The following FBN1 variants were observed in gnomAD, a reference collection of about 807,000 sequenced individuals.
FBN1 encodes the protein fibrillin-1.
Under a neutral mutation model 365.1 loss-of-function variants are expected in FBN1, and 29 were observed. That is an observed-to-expected ratio of 0.08 (90% confidence interval 0.06 to 0.11). The LOEUF is 0.11. Ranked by LOEUF, FBN1 falls within the 10% of genes least tolerant of loss-of-function variation. FBN1 has a pLI of 1.00. For synonymous variants in FBN1, 1,210 were observed against 1,270.5 expected (o/e 0.95, Z 1.01); for missense variants, 2,476 against 3,703.2 (o/e 0.67, Z 8.60).
intron 17 of FBN1, 105 bp downstream of exon 17, chr15:48,503,682 A>G: frequency 6.7e-7 from 1 of 1,488,074 alleles, no homozygotes; most frequent in East Asian, 2.3e-5. Flanking sequence ...CACATGGCGT[A>G]CCTGGAGAGC....
chr15:48,450,453 T>G (rs1238766538), intron 45 of FBN1, among the ~76,000 whole-genome samples: 1 of 152,160 alleles, frequency 6.6e-6, no homozygotes, highest in Non-Finnish European at 1.5e-5. Context: ...AAATCTAGGT[T>G]TCCACAAGCA....
Position 48,512,650 on chromosome 15 carries a change from T to C in FBN1, c.1588+899A>G, listed in dbSNP as rs985642645. On this transcript the variant is annotated intron_variant, in intron 13 of 65. Coordinates refer to ENST00000316623, the MANE Select transcript of FBN1 (RefSeq NM_000138.5). ...TCCATCCATGTCCCTGCAACGGACATGATCTCATTCTTTTTTATGGCTGCA... is the reference window on the plus strand; with the variant it reads ...TCCATCCATGTCCCTGCAACGGACACGATCTCATTCTTTTTTATGGCTGCA... 2.0e-5 allele frequency among the ~76,000 whole-genome samples: 3 copies of C among 152,346 alleles called. No homozygotes were observed. In the South Asian group the frequency reaches 6.2e-4, roughly 32 times the overall value.
chr15:48,538,611 G>T (rs1384187446), intron 6 of FBN1, among the ~76,000 whole-genome samples: 2 of 151,262 alleles, frequency 1.3e-5, no homozygotes, highest in East Asian at 3.9e-4. Flanking sequence ...CAGAGAGAGA[G>T]CCAACAACAA....
chr15:48,625,681 G>A (rs759166856), intron 2 of FBN1, among the ~76,000 whole-genome samples: 2 of 152,218 alleles, frequency 1.3e-5, no homozygotes, highest in Non-Finnish European at 2.9e-5. Context: ...TCCTGGACTG[G>A]CTCACAGATA....
intron 2 of FBN1, among the ~76,000 whole-genome samples, chr15:48,640,744 C>T (rs1281802587): frequency 1.3e-5 from 2 of 152,216 alleles, no homozygotes; most frequent in Non-Finnish European, 2.9e-5. Context: ...AGTCTCAATC[C>T]ATCTTCTCCA....
In FBN1 at chr15:48,600,205, C is replaced by G; in HGVS notation, c.376G>C (p.Gly126Arg). Reference protein sequence around the residue: ...IQHCNIRCMNGGSCSDDHCLC... With the variant: ...IQHCNIRCMNRGSCSDDHCLC... ...CAGTGATCGTCACTGCAGCTACCTC[C>G]ATTCATACAGCGAATATTGCAGTGT... Residue 126 changes from glycine (G) to arginine (R), a missense_variant, in exon 5 of 66, where the codon GGA becomes CGA. This residue lies in a region of FBN1 where 421 missense variants were observed against 520.1 expected (regional missense o/e 0.81). Transcript: ENST00000316623. 1 of 1,613,738 alleles carries G rather than the reference C, an allele frequency of 6.2e-7. No individual in the cohort carries two copies. The highest frequency in any genetic ancestry group is 8.5e-7 in the Non-Finnish European group (1 of 1,179,862).
At chr15:48,460,198 C>A in intron 43 of FBN1, 48 bp downstream of exon 43, 2 of 1,430,994 alleles carry the variant, frequency 1.4e-6, no homozygotes, top group Non-Finnish European at 2.0e-6. Flanking sequence ...ATAATGCTAA[C>A]ACAAAGGCAA....
chr15:48,420,252 T>A (rs2042929924), intron 63 of FBN1, among the ~76,000 whole-genome samples: 1 of 152,220 alleles, frequency 6.6e-6, no homozygotes, highest in South Asian at 2.1e-4. Flanking sequence ...TGTTTCCTGC[T>A]TGCGCTCTGT....
At chr15:48,637,816 C>T (rs1414083864) in intron 2 of FBN1, among the ~76,000 whole-genome samples, 1 of 152,128 alleles carries the variant, frequency 6.6e-6, no homozygotes, top group Non-Finnish European at 1.5e-5. Flanking sequence ...CACTTTTTAT[C>T]ACGTAGATCA....
intron 2 of FBN1, among the ~76,000 whole-genome samples, chr15:48,630,663 C>T (rs1157303649): frequency 7.2e-6 from 1 of 139,390 alleles, no homozygotes; most frequent in Non-Finnish European, 1.5e-5. Context: ...AGAAAATACC[C>T]GGTATTTGCA....
chr15:48,537,581 C>G, intron 7 of FBN1, 30 bp downstream of exon 7: 1 of 1,612,572 alleles, frequency 6.2e-7, no homozygotes, highest in Non-Finnish European at 8.5e-7. Context: ...TAAGATTAAT[C>G]CATTAATAAT....
chr15:48,575,073 T>G (rs898503808), intron 6 of FBN1, among the ~76,000 whole-genome samples: 1 of 152,136 alleles, frequency 6.6e-6, no homozygotes, highest in Non-Finnish European at 1.5e-5. Flanking sequence ...AGACGGGAAA[T>G]AGTTCACGTG....
At chr15:48,445,628 A>C in intron 47 of FBN1, 124 bp from the exon 48 acceptor site, 1 of 1,028,480 alleles carries the variant, frequency 9.7e-7, no homozygotes, top group South Asian at 1.4e-5. Context: ...TGGCTTAGCC[A>C]AACAAGAAAT....
At chr15:48,619,890 A>C (rs1768670001) in intron 2 of FBN1, among the ~76,000 whole-genome samples, 2 of 151,482 alleles carry the variant, frequency 1.3e-5, no homozygotes, top group Admixed American at 1.3e-4. Context: ...AAAAAAAAAC[A>C]GGAGAAGAAC....
intron 34 of FBN1, among the ~76,000 whole-genome samples, chr15:48,473,538 A>T (rs1861949076): frequency 6.6e-6 from 1 of 152,234 alleles, no homozygotes; most frequent in Admixed American, 6.5e-5. Flanking sequence ...TGTTAATTCT[A>T]TGGCTATTAA....
At chr15:48,427,387 AG>A (rs747602982) in intron 58 of FBN1, among the ~76,000 whole-genome samples, 179 bp downstream of exon 58, 1 of 152,244 alleles carries the variant, frequency 6.6e-6, no homozygotes, top group Non-Finnish European at 1.5e-5. Flanking sequence ...AAGTGGACCA[AG>A]GCCACTTTGG....
At position 48,410,659 on chromosome 15, in the gene FBN1, A is replaced by G. The variant is rs2042852852; in HGVS notation, c.*331T>C. On this transcript the variant is annotated 3_prime_UTR_variant, in exon 66 of 66. Transcript: ENST00000316623. ...TTGCAAAAAATAGAGTAGTCCATCA[A>G]TTGAAAGCACATTCCCGTACGTTTG... The G allele has an allele frequency of 1.4e-5, 4 of 291,918 alleles. No homozygotes were observed. The highest frequency in any genetic ancestry group is 5.1e-5 in the South Asian group (1 of 19,724). The allele number at this position is 291,918 out of a possible 1,614,324, so 18.1% of individuals were successfully genotyped here. A position where few individuals can be genotyped will look rare whatever the true frequency, so the allele number is the denominator to read the frequency against.
chr15:48,416,307 G>C (rs1370898482), intron 63 of FBN1, among the ~76,000 whole-genome samples: 2 of 152,218 alleles, frequency 1.3e-5, no homozygotes, highest in Non-Finnish European at 2.9e-5. Context: ...GGCAAAGGCT[G>C]ATATCCTGCC....
At chr15:48,492,381 G>A in intron 24 of FBN1, 80 bp downstream of exon 24, 2 of 1,401,228 alleles carry the variant, frequency 1.4e-6, no homozygotes, top group East Asian at 2.4e-5. Flanking sequence ...GAAGCTAAGT[G>A]CTCAGCTATA....
Sources: allele counts gnomAD v4.1 joint callset (sites outside exome capture counted in the v4.1 genomes callset), GRCh38; gene constraint gnomAD v4.1.1; regional missense constraint gnomAD v4.1.1; transcripts MANE v1.5; gene names NCBI Gene and HGNC (gene_info 2026-07-23, HGNC 2026-07-21).